COG6: variants seen among roughly 807,000 people sequenced by gnomAD.
COG6 encodes conserved oligomeric Golgi complex subunit 6.
Under a neutral mutation model 88.8 loss-of-function variants are expected in COG6, and 74 were observed. The ratio of observed to expected loss-of-function variants is 0.83; its 90% confidence interval spans 0.69 to 1.01. COG6 has a LOEUF of 1.01. COG6 is among the 50% of genes least tolerant of loss of function. The pLI is 0.00. For missense variants in COG6, 800 were observed against 797.9 expected, an observed-to-expected ratio of 1.00 and a Z score of -0.03; for synonymous variants, 286 against 278.7, an observed-to-expected ratio of 1.03 and a Z score of -0.26.
In COG6 at chr13:39,726,866, G is replaced by A. The variant is rs571523649; in HGVS notation, c.1747-603G>A. ...CTTCAAATGTCCTTTCCTGAGAGAT[G>A]CTTTTGCCGAATCCACAGACTAGGT... On this transcript the variant is annotated intron_variant, in intron 17 of 18. Transcript: ENST00000455146. 4.6e-5 allele frequency among the ~76,000 whole-genome samples: 7 copies of A among 152,004 alleles called. No homozygotes were observed. The South Asian group carries it at 1.5e-3, about 32-fold the overall frequency.
chr13:39,741,277 G>A (rs556960630), intron 18 of COG6, among the ~76,000 whole-genome samples: 4 of 152,278 alleles, frequency 2.6e-5, no homozygotes, highest in Non-Finnish European at 5.9e-5. Context: ...GACAGAAGTA[G>A]GCTTCAGAAA....
At chr13:39,755,779 T>A (rs1364121918), downstream of COG6, among the ~76,000 whole-genome samples, 1 of 152,222 alleles carries the variant, frequency 6.6e-6, no homozygotes, top group Non-Finnish European at 1.5e-5. Context: ...ACAGAGTCCT[T>A]CAGCAAAGAC....
At position 39,776,064 on chromosome 13, in the gene COG6, C is replaced by T. The variant is rs565967875; in HGVS notation, c.1827-12271C>T. On this transcript the variant is annotated intron_variant, in intron 18 of 18. Transcript: ENST00000416691. ...GATTACAGCTGTGAGCCACTGCACC[C>T]GGTCGAAAGTTTTGTTTTAGGCAAA... Among the ~76,000 whole-genome samples the T allele has an allele frequency of 3.4e-4, 52 of 152,162 alleles. No individual in the cohort carries two copies. In the South Asian group the frequency reaches 5.2e-3, roughly 15 times the overall value.
At chr13:39,713,988 T>A (rs545186360) in intron 13 of COG6, among the ~76,000 whole-genome samples, 1 of 152,324 alleles carries the variant, frequency 6.6e-6, no homozygotes, top group East Asian at 1.9e-4. Flanking sequence ...AAACACCTCA[T>A]AGAATGGCAG....
At chr13:39,786,907 A>G (rs1881789497) in intron 18 of COG6, among the ~76,000 whole-genome samples, 1 of 152,224 alleles carries the variant, frequency 6.6e-6, no homozygotes, top group Non-Finnish European at 1.5e-5. Context: ...TACAATAACT[A>G]TACATTATTA....
chr13:39,759,095 T>C (rs1237510173), intron 18 of COG6, among the ~76,000 whole-genome samples: 2 of 152,174 alleles, frequency 1.3e-5, no homozygotes, highest in African/African-American at 4.8e-5. Context: ...AAGAGACAGC[T>C]AACAGGTACT....
At chr13:39,664,993 A>T (rs1267350429) in intron 3 of COG6, 103 bp from the exon 4 acceptor site, 1 of 701,670 alleles carries the variant, frequency 1.4e-6, no homozygotes, top group Admixed American at 2.1e-5. Context: ...CCATAGAGTG[A>T]TCTCATTTGT....
intron 18 of COG6, among the ~76,000 whole-genome samples, chr13:39,760,966 C>T (rs949315430): frequency 6.6e-6 from 1 of 151,570 alleles, no homozygotes; most frequent in African/African-American, 2.4e-5. Flanking sequence ...ATCTAGAGTG[C>T]CTTAGCCATT....
chr13:39,693,480 AATTAT>A (rs1877094520), intron 11 of COG6, among the ~76,000 whole-genome samples: 1 of 151,962 alleles, frequency 6.6e-6, no homozygotes, highest in Non-Finnish European at 1.5e-5. Context: ...TTGCTGTAAT[AATTAT>A]ATTAAAATTA....
intron 13 of COG6, among the ~76,000 whole-genome samples, chr13:39,717,939 T>A (rs1252116517): frequency 2.6e-5 from 4 of 152,184 alleles, no homozygotes; most frequent in African/African-American, 9.7e-5. Context: ...GAATTTCTCT[T>A]TGGTTGTATT....
In COG6 at chr13:39,752,529, AAAG is replaced by A. The variant is rs886050235; in HGVS notation, c.*1441_*1443del. The A allele has an allele frequency of 9.5e-5, 116 of 1,214,876 alleles. No homozygotes were observed. Among genetic ancestry groups the A allele is most frequent in the Non-Finnish European group, 1.2e-4 (114 of 931,246 alleles). The allele number at this position is 1,214,876 out of a possible 1,614,324, so 75.3% of individuals were successfully genotyped here. ...TTGTATATAATTTATTTCTACAGAG[AAAG>A]AAGATTGATACCTTGCTATGAGTGA... On this transcript the variant is annotated 3_prime_UTR_variant, in exon 19 of 19. Coordinates refer to ENST00000455146, the MANE Select transcript of COG6 (RefSeq NM_020751.3).
At chr13:39,743,412 TAAAGGGAATATC>T (rs1208428483) in intron 18 of COG6, among the ~76,000 whole-genome samples, 3 of 152,022 alleles carry the variant, frequency 2.0e-5, no homozygotes, top group Admixed American at 2.0e-4. Flanking sequence ...TAAAAAATGA[TAAAGGGAATATC>T]ACCACTGATA....
rs1876878587 is a variant in COG6, at chr13:39,689,825, G to T, written c.1074+1G>T. 1 of 1,605,970 alleles carries T rather than the reference G, an allele frequency of 6.2e-7. No homozygotes were observed. Among genetic ancestry groups the T allele is most frequent in the Non-Finnish European group, 8.5e-7 (1 of 1,174,080 alleles). On this transcript the variant is annotated splice_donor_variant, in intron 11 of 18. Coordinates refer to ENST00000455146, the MANE Select transcript of COG6 (RefSeq NM_020751.3). LOFTEE classifies it high-confidence loss of function. ...TGAAGGTGTGTGCAGGCCTCTAAAGGTAAAATATTTTGTTTTTACATATGC... is the reference window on the plus strand; with the variant it reads ...TGAAGGTGTGTGCAGGCCTCTAAAGTTAAAATATTTTGTTTTTACATATGC...
chr13:39,764,205 T>C (rs1334957263), intron 18 of COG6, among the ~76,000 whole-genome samples: 4 of 151,930 alleles, frequency 2.6e-5, no homozygotes. Flanking sequence ...TTTAGTTTTT[T>C]AAGGTCTGTA....
intron 18 of COG6, among the ~76,000 whole-genome samples, chr13:39,738,534 T>C (rs1409880516): frequency 6.6e-6 from 1 of 152,114 alleles, no homozygotes; most frequent in African/African-American, 2.4e-5. Context: ...AGCAGGAAGA[T>C]AGACTTAATT....
intron 18 of COG6, among the ~76,000 whole-genome samples, chr13:39,735,269 T>A (rs1299607519): frequency 6.6e-6 from 1 of 152,156 alleles, no homozygotes; most frequent in African/African-American, 2.4e-5. Flanking sequence ...ATCTGTTGTA[T>A]GTTTTTTGAC....
chr13:39,782,356 A>G (rs556615215), intron 18 of COG6, among the ~76,000 whole-genome samples: 5 of 152,368 alleles, frequency 3.3e-5, no homozygotes, highest in African/African-American at 1.2e-4. Context: ...GATAACCTAA[A>G]GCAGATGCAG....
intron 8 of COG6, among the ~76,000 whole-genome samples, chr13:39,685,719 G>A (rs1203743526): frequency 6.6e-6 from 1 of 152,070 alleles, no homozygotes; most frequent in Non-Finnish European, 1.5e-5. Flanking sequence ...TTAAAAGAAG[G>A]CATTCTTCAC....
intron 18 of COG6, among the ~76,000 whole-genome samples, chr13:39,771,147 G>T (rs1166921324): frequency 6.6e-6 from 1 of 152,072 alleles, no homozygotes; most frequent in Non-Finnish European, 1.5e-5. Flanking sequence ...GCCTGCCACT[G>T]CTTAGGGTCA....
Sources: gnomAD v4.1 joint callset for allele counts (sites outside exome capture counted in the v4.1 genomes callset) on GRCh38, gnomAD v4.1.1 for gene constraint, MANE v1.5 for transcripts, NCBI Gene and HGNC (gene_info 2026-07-23, HGNC 2026-07-21) for gene names.